LTK: variants seen among roughly 807,000 people sequenced by gnomAD.
The protein encoded by LTK is leukocyte tyrosine kinase receptor.
A neutral mutation model predicts 101.5 loss-of-function variants in LTK; 117 were observed. The observed-to-expected ratio is 1.15, with a 90% CI of 0.99 to 1.34. LTK has a LOEUF of 1.34. Ranked by LOEUF, LTK falls within the 40% of genes most tolerant of loss-of-function variation. The pLI is 0.00. For synonymous variants in LTK, 563 were observed against 494.2 expected, an observed-to-expected ratio of 1.14 and a Z score of -1.85; for missense variants, 1,252 against 1,164.7, an observed-to-expected ratio of 1.07 and a Z score of -1.09.
intron 8 of LTK, 46 bp downstream of exon 8, chr15:41,508,985 C>T (rs754709117): frequency 2.4e-5 from 32 of 1,354,614 alleles, no homozygotes; most frequent in Non-Finnish European, 2.4e-5. Context: ...TCAGGGACTG[C>T]GGAAGAAGTC....
intron 9 of LTK, 103 bp from the exon 10 acceptor site, chr15:41,507,760 A>G (rs1438832334): frequency 7.9e-7 from 1 of 1,268,456 alleles, no homozygotes; most frequent in Middle Eastern, 1.9e-4. Flanking sequence ...TAATTTTTCC[A>G]TGATGCCTTC....
intron 11 of LTK, among the ~76,000 whole-genome samples, chr15:41,506,744 C>A (rs929974314): frequency 6.6e-6 from 1 of 152,064 alleles, no homozygotes; most frequent in Non-Finnish European, 1.5e-5. Flanking sequence ...GCATGCGCCA[C>A]CATGCCCAGC....
In LTK at chr15:41,504,772, C is replaced by T; in HGVS notation, c.2120+1G>A. Reference sequence around the variant, plus strand: ...GAAGGGGAGGGGAAGGGTGTTATCACCAGGAATCTGTCTTGGATGTGAAGA... The same window carrying T: ...GAAGGGGAGGGGAAGGGTGTTATCATCAGGAATCTGTCTTGGATGTGAAGA... On this transcript the variant is annotated splice_donor_variant, in intron 17 of 19. Transcript: ENST00000263800. LOFTEE classifies it high-confidence loss of function. The T allele has an allele frequency of 1.9e-6, 3 of 1,573,830 alleles. No homozygotes were observed. The highest frequency in any genetic ancestry group is 1.7e-5 in the Admixed American group (1 of 58,748).
Position 41,505,050 on chromosome 15 carries a change from C to A in LTK, c.1940G>T (p.Arg647Leu). The change falls in exon 16 of 20, where the codon CGG becomes CTG. Residue 647 changes from arginine (R) to leucine (L), a missense_variant. By Grantham distance (102) the Arg-to-Leu change is moderately radical. Transcript: ENST00000263800. ...NHFIHRDIAARNCLLSCAGPS... is the reference protein window; with the variant it reads ...NHFIHRDIAALNCLLSCAGPS... Reference sequence around the variant, plus strand: ...TCCAGCGCAGCTCAGCAGGCAGTTCCGGGCGGCAATATCCCTACAGAGTAG... The same window carrying A: ...TCCAGCGCAGCTCAGCAGGCAGTTCAGGGCGGCAATATCCCTACAGAGTAG... 1.2e-6 allele frequency: 2 copies of A among 1,613,128 alleles called. No individual in the cohort carries two copies. The highest frequency in any genetic ancestry group is 1.7e-6 in the Non-Finnish European group (2 of 1,179,520).
intron 7 of LTK, among the ~76,000 whole-genome samples, chr15:41,510,100 G>A (rs1459680938): frequency 6.7e-6 from 1 of 150,260 alleles, no homozygotes; most frequent in African/African-American, 2.4e-5. Context: ...TCCGCCTCCC[G>A]GGTTCAAGCG....
chr15:41,505,940 G>A lies in LTK; in HGVS notation c.1607C>T (p.Ser536Phe), dbSNP rs774544670. 5.0e-6 allele frequency: 8 copies of A among 1,613,302 alleles called. No individual in the cohort carries two copies. The East Asian group carries it at 8.9e-5, about 18-fold the overall frequency. ...EGLVIGLPGD[S>F]SPLQVAIKTL... Reference sequence around the variant, plus strand: ...CTTGATAGCTACCTGCAGGGGACTGGAGTCCCCAGGAAGGCCAATTACCAG... The same window carrying A: ...CTTGATAGCTACCTGCAGGGGACTGAAGTCCCCAGGAAGGCCAATTACCAG... Residue 536 changes from serine (S) to phenylalanine (F), a missense_variant, in exon 12 of 20, where the codon TCC becomes TTC. Coordinates refer to ENST00000263800, the MANE Select transcript of LTK (RefSeq NM_002344.6).
rs762109337 is a variant in LTK at position 41,504,231 on chromosome 15, A to G, written c.2360T>C (p.Leu787Pro). ...LQYCTQDPDV[L>P]NSLLPMELGP... ...CAGCTCCATTGGCAGGAGTGAATTC[A>G]GCACATCCGGGTCCTGTAATGGAAG... The change falls in exon 20 of 20, where the codon CTG becomes CCG. Residue 787 changes from leucine to proline, a missense_variant. Coordinates refer to ENST00000263800, the MANE Select transcript of LTK (RefSeq NM_002344.6). The G allele has an allele frequency of 2.9e-5, 46 of 1,609,444 alleles. No homozygotes were observed. In the South Asian group the frequency reaches 4.2e-4, roughly 15 times the overall value.
chr15:41,511,333 G>A lies in LTK; in HGVS notation c.828C>T (p.Gly276=). The change falls in exon 7 of 20, where the codon GGC becomes GGT. Residue 276 remains glycine (G), a synonymous_variant. Transcript: ENST00000263800. This position sits in a 1 kb window ranked among gnomAD's most constrained non-coding sequence, Gnocchi z 5.9. The part of the protein sequence containing the change: ...GRGGAAGGGG[G]WTSRAPSPQA... ...GCGGAGAGGGAGCCCGCGACGTCCA[G>A]CCGCCCCCACCACCTGCAGAGCGAC... 7.4e-7 allele frequency: 1 copy of A among 1,360,506 alleles called. No homozygotes were observed. The highest frequency in any genetic ancestry group is 9.4e-7 in the Non-Finnish European group (1 of 1,064,512). The allele number at this position is 1,360,506 out of a possible 1,614,324, so 84.3% of individuals were successfully genotyped here.
In LTK at chr15:41,505,915, CTTGATA is replaced by C; in HGVS notation, c.1626_1631del (p.Ile543_Lys544del). The C allele has an allele frequency of 1.2e-6, 2 of 1,613,318 alleles. No individual in the cohort carries two copies. The highest frequency in any genetic ancestry group is 4.5e-5 in the East Asian group (2 of 44,882). On this transcript the variant is annotated inframe_deletion and splice_region_variant, in exon 12 of 20. Transcript: ENST00000263800. ...CAGCCAGAAGTCCCACTCCTCTCAC[CTTGATA>C]GCTACCTGCAGGGGACTGGAGTCCC...
intron 2 of LTK, 41 bp from the exon 3 acceptor site, chr15:41,512,919 C>A: frequency 6.2e-7 from 1 of 1,608,112 alleles, no homozygotes; most frequent in Non-Finnish European, 8.5e-7. Flanking sequence ...GAGCCCCTGG[C>A]TGGGCCAGAG....
In LTK at chr15:41,503,882, C is replaced by A; in HGVS notation, c.*114G>T. The A allele has an allele frequency of 8.0e-7, 1 of 1,256,980 alleles. No individual in the cohort carries two copies. The highest frequency in any genetic ancestry group is 2.5e-5 in the East Asian group (1 of 40,390). 77.9% of individuals were successfully genotyped at this position (1,256,980 alleles called of 1,614,324 possible). ...CAGCCCCGAGACAGGCCCAGACACA[C>A]AGCACAGACTGCAGGGAACAGAGGC... On this transcript the variant is annotated 3_prime_UTR_variant, in exon 20 of 20. Transcript: ENST00000263800.
In LTK at chr15:41,511,271, C is replaced by T; in HGVS notation, c.890G>A (p.Gly297Asp). 3 of 1,419,274 alleles carry T rather than the reference C, an allele frequency of 2.1e-6. No individual in the cohort carries two copies. Among genetic ancestry groups the T allele is most frequent in the Non-Finnish European group, 2.7e-6 (3 of 1,091,274 alleles). The allele number at this position is 1,419,274 out of a possible 1,614,324, so 87.9% of individuals were successfully genotyped here. The change falls in exon 7 of 20, where the codon GGC (glycine) becomes GAC (aspartate). Residue 297 changes from glycine to aspartate, a missense_variant. By Grantham distance (94) the Gly-to-Asp change is moderately conservative. Transcript: ENST00000263800. This position sits in a 1 kb window ranked among gnomAD's most constrained non-coding sequence, Gnocchi z 5.9. ...GRSLQEGAEGGQGCSEAWATL... is the reference protein window; with the variant it reads ...GRSLQEGAEGDQGCSEAWATL... ...CGCCCAAGCCTCGGAGCAGCCCTGG[C>T]CGCCCTCCGCCCCCTCCTGCAGTGA...
Position 41,504,448 on chromosome 15 carries a change from A to ATCCT in LTK, c.2256-17_2256-16insAGGA. On this transcript the variant is annotated splice_polypyrimidine_tract_variant and intron_variant, in intron 18 of 19. Coordinates refer to ENST00000263800, the MANE Select transcript of LTK (RefSeq NM_002344.6). ...GATGCGGTACCTGGGGAGAGGCAGG[A>ATCCT]GTTCATGCCCACCCATGGTTGTGAA... 1 of 1,614,024 alleles carries ATCCT rather than the reference A, an allele frequency of 6.2e-7. No homozygotes were observed. The highest frequency in any genetic ancestry group is 8.5e-7 in the Non-Finnish European group (1 of 1,180,000).
At chr15:41,504,696 A>G in intron 17 of LTK, 56 bp from the exon 18 acceptor site, 2 of 1,601,596 alleles carry the variant, frequency 1.2e-6, no homozygotes, top group East Asian at 2.2e-5. Context: ...CTCCCCTCAC[A>G]TGAGGTGGCT....
Position 41,505,912 on chromosome 15 carries a change from C to T in LTK, c.1632+3G>A, listed in dbSNP as rs746559972. The T allele has an allele frequency of 6.2e-7, 1 of 1,613,048 alleles. No individual in the cohort carries two copies. The highest frequency in any genetic ancestry group is 8.5e-7 in the Non-Finnish European group (1 of 1,179,204). On this transcript the variant is annotated splice_donor_region_variant and intron_variant, in intron 12 of 19. Coordinates refer to ENST00000263800, the MANE Select transcript of LTK (RefSeq NM_002344.6). ...CCCCAGCCAGAAGTCCCACTCCTCTCACCTTGATAGCTACCTGCAGGGGAC... is the reference window on the plus strand; with the variant it reads ...CCCCAGCCAGAAGTCCCACTCCTCTTACCTTGATAGCTACCTGCAGGGGAC...
chr15:41,505,546 G>T lies in LTK; in HGVS notation c.1698-16C>A, dbSNP rs1208259846. The T allele has an allele frequency of 6.2e-7, 1 of 1,613,478 alleles. No homozygotes were observed. Among genetic ancestry groups the T allele is most frequent in the Non-Finnish European group, 8.5e-7 (1 of 1,179,808 alleles). On this transcript the variant is annotated splice_polypyrimidine_tract_variant and intron_variant, in intron 13 of 19. Coordinates refer to ENST00000263800, the MANE Select transcript of LTK (RefSeq NM_002344.6). Reference sequence around the variant, plus strand: ...GCGAAACTTGCTGAGTGGGGTGGGGGACATATCCCGTTACCAGGAGGGAGA... The same window carrying T: ...GCGAAACTTGCTGAGTGGGGTGGGGTACATATCCCGTTACCAGGAGGGAGA...
Position 41,511,408 on chromosome 15 carries a change from G to A in LTK, c.814+14C>T, listed in dbSNP as rs768368478. Reference sequence around the variant, plus strand: ...GGGAGCACGCCCGCCTCTCCCCGCGGCCCGCGCCCTCACCTGCCGCCCCGC... The same window carrying A: ...GGGAGCACGCCCGCCTCTCCCCGCGACCCGCGCCCTCACCTGCCGCCCCGC... On this transcript the variant is annotated intron_variant, in intron 6 of 19. Coordinates refer to ENST00000263800, the MANE Select transcript of LTK (RefSeq NM_002344.6). This position sits in a 1 kb window ranked among gnomAD's most constrained non-coding sequence, Gnocchi z 5.9. 5.1e-6 allele frequency: 7 copies of A among 1,376,260 alleles called. No homozygotes were observed. Among genetic ancestry groups the A allele is most frequent in the South Asian group, 1.7e-5 (1 of 59,370 alleles). The allele number at this position is 1,376,260 out of a possible 1,614,324, so 85.3% of individuals were successfully genotyped here. A position where few individuals can be genotyped will look rare whatever the true frequency, so the allele number is the denominator to read the frequency against.
At position 41,513,738 on chromosome 15, in the gene LTK, C is replaced by T. The variant is rs2140741192; in HGVS notation, c.-29G>A. On this transcript the variant is annotated 5_prime_UTR_variant, in exon 1 of 20. Transcript: ENST00000263800. The stretch of plus-strand genomic sequence containing the variant: ...TGTTGGGTCCACCCGGCAACAAAAG[C>T]CCTTGCGGTCGCGGCCACACCCCTG... 1.9e-6 allele frequency: 3 copies of T among 1,609,040 alleles called. No homozygotes were observed. The highest frequency in any genetic ancestry group is 2.6e-6 in the Non-Finnish European group (3 of 1,175,928).
In LTK at chr15:41,507,090, C is replaced by A; in HGVS notation, c.1541+5G>T. ...TAGGTTCTCAGAAGGAGGCAGAAGA[C>A]TTACCTGAGCAGAGTAACATTGGCT... On this transcript the variant is annotated splice_donor_5th_base_variant and intron_variant, in intron 11 of 19. Coordinates refer to ENST00000263800, the MANE Select transcript of LTK (RefSeq NM_002344.6). 1 of 1,610,518 alleles carries A rather than the reference C, an allele frequency of 6.2e-7. No homozygotes were observed. Among genetic ancestry groups the A allele is most frequent in the Admixed American group, 1.7e-5 (1 of 58,684 alleles).
Sources: allele counts gnomAD v4.1 joint callset (sites outside exome capture counted in the v4.1 genomes callset), GRCh38; gene constraint gnomAD v4.1.1; non-coding constraint Gnocchi (gnomAD v3.1); transcripts MANE v1.5; gene names NCBI Gene and HGNC (gene_info 2026-07-23, HGNC 2026-07-21).